PIK3CA: variants seen among roughly 807,000 people sequenced by gnomAD.
PIK3CA encodes phosphatidylinositol 4,5-bisphosphate 3-kinase catalytic subunit alpha isoform.
In PIK3CA, 27 loss-of-function variants were observed where a neutral mutation model predicts 138.2. The observed-to-expected ratio is 0.20, with a 90% CI of 0.14 to 0.27. The LOEUF is 0.27. Among genes scored for constraint, PIK3CA ranks in the 10% least tolerant of loss-of-function variants. The pLI is 1.00. For missense variants in PIK3CA, 544 were observed against 1,277.4 expected (o/e 0.43, Z 8.75); for synonymous variants, 358 against 413.2 (o/e 0.87, Z 1.62).
intron 1 of PIK3CA, among the ~76,000 whole-genome samples, chr3:179,149,070 C>T (rs1412433622): frequency 6.6e-6 from 1 of 152,164 alleles, no homozygotes; most frequent in East Asian, 1.9e-4. Context: ...GACTCCGGCC[C>T]CGCCAGCCTG....
chr3:179,149,266 C>G (rs1196582256), intron 1 of PIK3CA, among the ~76,000 whole-genome samples: 1 of 152,128 alleles, frequency 6.6e-6, no homozygotes, highest in African/African-American at 2.4e-5. Flanking sequence ...TGTGACTTGT[C>G]TCTTTACTAA....
At chr3:179,221,696 CTTTTTTTTT>C (rs200211358) in intron 14 of PIK3CA, among the ~76,000 whole-genome samples, 15 of 77,584 alleles carry the variant, frequency 1.9e-4, no homozygotes, top group African/African-American at 4.9e-4. Flanking sequence ...ACAATGTAAA[CTTTTTTTTT>C]TTTTTTTTTT....
At chr3:179,204,471 T>C in intron 5 of PIK3CA, 32 bp from the exon 6 acceptor site, 1 of 1,003,028 alleles carries the variant, frequency 1.0e-6, no homozygotes, top group Non-Finnish European at 1.6e-6. Flanking sequence ...GTTGAGTGTA[T>C]ACATTAGTAT....
chr3:179,208,439 T>C (rs549823718), intron 6 of PIK3CA, among the ~76,000 whole-genome samples: 4 of 152,340 alleles, frequency 2.6e-5, no homozygotes, highest in African/African-American at 9.6e-5. Context: ...TTTTATGAGA[T>C]AGTTATCAAC....
intron 1 of PIK3CA, among the ~76,000 whole-genome samples, chr3:179,189,600 G>A (rs1240703703): frequency 3.3e-5 from 5 of 151,738 alleles, no homozygotes; most frequent in South Asian, 2.1e-4. Context: ...AAAAAAAAAT[G>A]TGTTAGCACA....
At chr3:179,172,595 T>C (rs923535707) in intron 1 of PIK3CA, among the ~76,000 whole-genome samples, 3 of 151,920 alleles carry the variant, frequency 2.0e-5, no homozygotes, top group African/African-American at 7.3e-5. Flanking sequence ...CAATGAACCA[T>C]CCAAAAATGA....
At chr3:179,152,738 T>C (rs976872123) in intron 1 of PIK3CA, among the ~76,000 whole-genome samples, 1 of 152,150 alleles carries the variant, frequency 6.6e-6, no homozygotes. Flanking sequence ...TTTTCCACTT[T>C]GCTGACTGTT....
At chr3:179,222,181 G>T (rs1364245869) in intron 14 of PIK3CA, among the ~76,000 whole-genome samples, 1 of 151,940 alleles carries the variant, frequency 6.6e-6, no homozygotes, top group Non-Finnish European at 1.5e-5. Flanking sequence ...GACAGAGAAT[G>T]TAAGTTAGCA....
At chr3:179,152,578 A>G (rs1723040393) in intron 1 of PIK3CA, among the ~76,000 whole-genome samples, 1 of 152,224 alleles carries the variant, frequency 6.6e-6, no homozygotes. Flanking sequence ...GAGTTGTTGA[A>G]TTAAATGAGA....
intron 1 of PIK3CA, among the ~76,000 whole-genome samples, chr3:179,159,661 T>TA (rs1333552730): frequency 6.6e-6 from 1 of 152,194 alleles, no homozygotes; most frequent in African/African-American, 2.4e-5. Context: ...CAGTCAAACA[T>TA]AAAAACGTGA....
chr3:179,161,687 ACT>A (rs972426607), intron 1 of PIK3CA, among the ~76,000 whole-genome samples: 1 of 152,046 alleles, frequency 6.6e-6, no homozygotes, highest in Admixed American at 6.5e-5. Flanking sequence ...ACAGAATGAG[ACT>A]CTGTCTCAAA....
intron 14 of PIK3CA, 143 bp downstream of exon 14, chr3:179,221,300 G>A: frequency 1.6e-6 from 1 of 610,748 alleles, no homozygotes; most frequent in Non-Finnish European, 3.0e-6. Flanking sequence ...TCTCAGCTGT[G>A]TAGTGTTAGA....
At chr3:179,210,702 T>C in intron 9 of PIK3CA, 137 bp downstream of exon 9, 1 of 780,100 alleles carries the variant, frequency 1.3e-6, no homozygotes, top group Middle Eastern at 3.8e-4. Context: ...GCAATAGAAT[T>C]AAGTTCTCTA....
intron 1 of PIK3CA, among the ~76,000 whole-genome samples, chr3:179,196,933 C>T (rs1282221862): frequency 2.6e-5 from 4 of 152,200 alleles, no homozygotes; most frequent in Non-Finnish European, 4.4e-5. Flanking sequence ...ATTAACGAAG[C>T]TTGTTGATGG....
At chr3:179,231,293 T>TA (rs1725205181) in intron 20 of PIK3CA, among the ~76,000 whole-genome samples, 1 of 152,132 alleles carries the variant, frequency 6.6e-6, no homozygotes, top group African/African-American at 2.4e-5. Flanking sequence ...GCCTTTTTGA[T>TA]ATAATGACTT....
intron 1 of PIK3CA, among the ~76,000 whole-genome samples, chr3:179,195,838 A>C (rs1724253506): frequency 6.6e-6 from 1 of 152,164 alleles, no homozygotes; most frequent in Non-Finnish European, 1.5e-5. Flanking sequence ...AGCAAATGTT[A>C]GTTCCATTTG....
In PIK3CA at chr3:179,219,504, T is replaced by G. The variant is rs1724917067; in HGVS notation, c.1747-67T>G. 1 of 761,740 alleles carries G rather than the reference T, an allele frequency of 1.3e-6. No individual in the cohort carries two copies. The highest frequency in any genetic ancestry group is 1.8e-5 in the African/African-American group (1 of 56,754). 47.2% of individuals were successfully genotyped at this position (761,740 alleles called of 1,614,324 possible). A position where few individuals can be genotyped will look rare whatever the true frequency, so the allele number is the denominator to read the frequency against. On this transcript the variant is annotated intron_variant, in intron 11 of 20. Transcript: ENST00000263967. The surrounding 1 kb of genome is among the most constrained non-coding windows in gnomAD (Gnocchi z 4.2). ...TTTAAAATCAGAAGTTAAGGCAGTG[T>G]TTTAGATGGCTCATTCACAACTATC...
intron 16 of PIK3CA, 110 bp from the exon 17 acceptor site, chr3:179,225,852 G>C: frequency 1.7e-6 from 1 of 572,870 alleles, no homozygotes; most frequent in East Asian, 2.9e-5. Context: ...AGTTTCTTTT[G>C]AAGAGTAAAT....
At chr3:179,222,792 G>C (rs555277248) in intron 14 of PIK3CA, among the ~76,000 whole-genome samples, 27 of 152,314 alleles carry the variant, frequency 1.8e-4, no homozygotes, top group African/African-American at 6.3e-4. Flanking sequence ...CTGAATGCAT[G>C]TAGGAAGAGA....
Sources: allele counts gnomAD v4.1 joint callset (sites outside exome capture counted in the v4.1 genomes callset), GRCh38; gene constraint gnomAD v4.1.1; non-coding constraint Gnocchi (gnomAD v3.1); transcripts MANE v1.5; gene names NCBI Gene and HGNC (gene_info 2026-07-23, HGNC 2026-07-21).